Variants in VCAM1 observed in about 807,000 individuals in gnomAD.
The protein encoded by VCAM1 is vascular cell adhesion molecule 1.
A neutral mutation model predicts 63.8 loss-of-function variants in VCAM1; 41 were observed. The ratio of observed to expected loss-of-function variants is 0.64; its 90% confidence interval spans 0.50 to 0.83. VCAM1 has a LOEUF of 0.83. VCAM1 is among the 40% of genes least tolerant of loss of function. The probability of loss-of-function intolerance (pLI) is 0.00; values close to 1 mark genes in which losing one functional copy is unlikely to be tolerated. For missense variants in VCAM1, 798 were observed against 875.5 expected, an observed-to-expected ratio of 0.91 and a Z score of 1.12; for synonymous variants, 338 against 320.7, an observed-to-expected ratio of 1.05 and a Z score of -0.58.
chr1:100,730,040 A>G (rs1660379836), intron 5 of VCAM1, among the ~76,000 whole-genome samples: 1 of 152,170 alleles, frequency 6.6e-6, no homozygotes, highest in Non-Finnish European at 1.5e-5. Flanking sequence ...GGAGTTCCTC[A>G]GTCCATATTG....
chr1:100,731,992 T>C lies in VCAM1; in HGVS notation c.1526-426T>C, dbSNP rs1449338257. On this transcript the variant is annotated intron_variant, in intron 6 of 8. Coordinates refer to ENST00000294728, the MANE Select transcript of VCAM1 (RefSeq NM_001078.4). This position sits in a 1 kb window ranked among gnomAD's most constrained non-coding sequence, Gnocchi z 4.2. ...CCTCTTCAAGGCCTGGGTTTGGAAG[T>C]CCTACAGTGTTACTTCTTCTTCCAC... Among the ~76,000 whole-genome samples, 2 of 152,166 alleles carry C rather than the reference T, an allele frequency of 1.3e-5. No individual in the cohort carries two copies. The highest frequency in any genetic ancestry group is 2.9e-5 in the Non-Finnish European group (2 of 68,024).
At chr1:100,738,089 A>G in intron 8 of VCAM1, 34 bp from the exon 9 acceptor site, 1 of 1,601,734 alleles carries the variant, frequency 6.2e-7, no homozygotes, top group Non-Finnish European at 8.5e-7. Context: ...TTTTTGTACT[A>G]GACATTAATT....
chr1:100,730,424 T>G (rs976750159), intron 5 of VCAM1, among the ~76,000 whole-genome samples: 1 of 152,160 alleles, frequency 6.6e-6, no homozygotes, highest in African/African-American at 2.4e-5. Context: ...TGTTTAAGCA[T>G]TATTCTTGCC....
At chr1:100,724,425 A>G (rs959509378) in intron 3 of VCAM1, among the ~76,000 whole-genome samples, 199 bp from the exon 4 acceptor site, 2 of 152,070 alleles carry the variant, frequency 1.3e-5, no homozygotes, top group African/African-American at 4.8e-5. Flanking sequence ...TCTGAAAAAT[A>G]TGAAACATCA....
Position 100,719,746 on chromosome 1 carries a change from T to C in VCAM1, c.-115T>C, listed in dbSNP as rs113706910. The C allele has an allele frequency of 1.6e-4, 149 of 950,086 alleles. 4 individuals are homozygous for C. The highest frequency in any genetic ancestry group is 9.8e-4 in the South Asian group (54 of 55,148). 58.9% of individuals were successfully genotyped at this position (950,086 alleles called of 1,614,324 possible). On this transcript the variant is annotated 5_prime_UTR_variant, in exon 1 of 9. Coordinates refer to ENST00000294728, the MANE Select transcript of VCAM1 (RefSeq NM_001078.4). ...ACAGACTTTCTATTTCACTCCGCGG[T>C]ATCTGCATCGGGCCTCACTGGCTTC...
chr1:100,733,498 T>C (rs1660538826), intron 7 of VCAM1, among the ~76,000 whole-genome samples: 2 of 152,160 alleles, frequency 1.3e-5, no homozygotes, highest in South Asian at 4.1e-4. Flanking sequence ...ATACACATCC[T>C]TAAAAAACAG....
At chr1:100,720,443 T>C (rs1487593412) in intron 1 of VCAM1, 33 bp from the exon 2 acceptor site, 9 of 1,592,964 alleles carry the variant, frequency 5.6e-6, no homozygotes, top group Non-Finnish European at 6.9e-6. Context: ...AAACTAGTGG[T>C]AAATTTGCTT....
At chr1:100,721,247 A>T (rs559063395) in intron 2 of VCAM1, among the ~76,000 whole-genome samples, 1 of 152,086 alleles carries the variant, frequency 6.6e-6, no homozygotes, top group East Asian at 1.9e-4. Flanking sequence ...CTTAGACATA[A>T]TTGTTAATAT....
intron 1 of VCAM1, 25 bp from the exon 2 acceptor site, chr1:100,720,451 C>T: frequency 4.4e-6 from 7 of 1,597,072 alleles, no homozygotes; most frequent in Non-Finnish European, 6.0e-6. Context: ...GGTAAATTTG[C>T]TTCTGTCTTT....
intron 3 of VCAM1, 69 bp from the exon 4 acceptor site, chr1:100,724,555 G>T (rs1660091622): frequency 1.3e-6 from 2 of 1,539,242 alleles, no homozygotes; most frequent in African/African-American, 1.4e-5. Flanking sequence ...AATACTAAGA[G>T]AAATACATTA....
At chr1:100,730,004 C>A (rs1660378163) in intron 5 of VCAM1, among the ~76,000 whole-genome samples, 1 of 152,108 alleles carries the variant, frequency 6.6e-6, no homozygotes, top group Non-Finnish European at 1.5e-5. Context: ...TTTGCAACCT[C>A]AAATCTCTAT....
rs533982473 is a variant in VCAM1 at position 100,723,438 on chromosome 1, G to A, written c.661+98G>A. 3.2e-5 allele frequency: 39 copies of A among 1,225,216 alleles called. No individual in the cohort carries two copies. In the African/African-American group the frequency reaches 5.7e-4, roughly 18 times the overall value. 75.9% of individuals were successfully genotyped at this position (1,225,216 alleles called of 1,614,324 possible). On this transcript the variant is annotated intron_variant, in intron 3 of 8. Transcript: ENST00000294728. The stretch of plus-strand genomic sequence containing the variant: ...AGAAAAGTAAAAAAAAAAAAAACTT[G>A]TATATAGTTTGTATTCCATTTGTAT...
intron 4 of VCAM1, among the ~76,000 whole-genome samples, chr1:100,727,041 TTCTGTG>T (rs1660184939): frequency 1.5e-5 from 1 of 67,596 alleles, no homozygotes; most frequent in East Asian, 4.4e-4. Flanking sequence ...AAATCAGGAA[TTCTGTG>T]TGTGTGTGTG....
chr1:100,727,113 T>C (rs924915956), intron 4 of VCAM1, among the ~76,000 whole-genome samples: 6 of 150,520 alleles, frequency 4.0e-5, no homozygotes, highest in African/African-American at 1.5e-4. Flanking sequence ...ACCTAACACA[T>C]AATAAATGTT....
chr1:100,720,894 G>A lies in VCAM1; in HGVS notation c.340+143G>A, dbSNP rs180862678. The A allele has an allele frequency of 1.9e-3, 1,944 of 1,010,794 alleles. 9 individuals are homozygous for A. The highest frequency in any genetic ancestry group is 2.1e-3 in the Non-Finnish European group (1,501 of 722,236). The allele number at this position is 1,010,794 out of a possible 1,614,324, so 62.6% of individuals were successfully genotyped here. A position where few individuals can be genotyped will look rare whatever the true frequency, so the allele number is the denominator to read the frequency against. On this transcript the variant is annotated intron_variant, in intron 2 of 8. Coordinates refer to ENST00000294728, the MANE Select transcript of VCAM1 (RefSeq NM_001078.4). ...GAACATACAACATCAGGAAAGCTAGGGACAGCTAAGGCCAACATGAGAGAG... is the reference window on the plus strand; with the variant it reads ...GAACATACAACATCAGGAAAGCTAGAGACAGCTAAGGCCAACATGAGAGAG...
chr1:100,722,775 A>C (rs540268177), intron 2 of VCAM1, among the ~76,000 whole-genome samples: 2 of 152,188 alleles, frequency 1.3e-5, no homozygotes, highest in South Asian at 4.1e-4. Flanking sequence ...TCTTTCTTTT[A>C]CTGTAATAAC....
At position 100,731,176 on chromosome 1, in the gene VCAM1, C is replaced by T. The variant is rs375384296; in HGVS notation, c.1205-22C>T. On this transcript the variant is annotated intron_variant, in intron 5 of 8. Coordinates refer to ENST00000294728, the MANE Select transcript of VCAM1 (RefSeq NM_001078.4). This position sits in a 1 kb window ranked among gnomAD's most constrained non-coding sequence, Gnocchi z 4.2. ...TTCCTTGAATATCAAGAATAAAAAT[C>T]GTTTTTGCTTGCGATTTGCAGCATT... The T allele has an allele frequency of 1.3e-5, 20 of 1,563,264 alleles. No individual in the cohort carries two copies. Among genetic ancestry groups the T allele is most frequent in the East Asian group, 2.3e-5 (1 of 44,324 alleles).
At chr1:100,725,497 A>G in intron 4 of VCAM1, among the ~76,000 whole-genome samples, 1 of 152,058 alleles carries the variant, frequency 6.6e-6, no homozygotes, top group South Asian at 2.1e-4. Context: ...TTCATTTTAC[A>G]GATGAGAGAG....
rs190703914 is a variant in VCAM1 at position 100,731,656 on chromosome 1, T to C, written c.1525+138T>C. 76 of 831,906 alleles carry C rather than the reference T, an allele frequency of 9.1e-5. No homozygotes were observed. The East Asian group carries it at 1.3e-3, about 14-fold the overall frequency. 51.5% of individuals were successfully genotyped at this position (831,906 alleles called of 1,614,324 possible). A position where few individuals can be genotyped will look rare whatever the true frequency, so the allele number is the denominator to read the frequency against. On this transcript the variant is annotated intron_variant, in intron 6 of 8. Coordinates refer to ENST00000294728, the MANE Select transcript of VCAM1 (RefSeq NM_001078.4). The surrounding 1 kb of genome is among the most constrained non-coding windows in gnomAD (Gnocchi z 4.2). The stretch of plus-strand genomic sequence containing the variant: ...CTGAAAAGAAATTTCAAAATAATGA[T>C]GATTGTAACAAATCACCCTCCCTAA...
Sources: gnomAD v4.1 joint callset for allele counts (sites outside exome capture counted in the v4.1 genomes callset) on GRCh38, gnomAD v4.1.1 for gene constraint, Gnocchi (gnomAD v3.1) non-coding constraint, MANE v1.5 for transcripts, NCBI Gene and HGNC (gene_info 2026-07-23, HGNC 2026-07-21) for gene names.